CFAP74: variants seen among roughly 807,000 people sequenced by gnomAD.
CFAP74 encodes cilia- and flagella-associated protein 74.
A neutral mutation model predicts 188.9 loss-of-function variants in CFAP74; 124 were observed. That is an observed-to-expected ratio of 0.66 (90% CI 0.57 to 0.76). The LOEUF (loss-of-function observed/expected upper bound fraction) is 0.76. CFAP74 is among the 30% of genes least tolerant of loss of function. The pLI is 0.00. For missense variants in CFAP74, 2,198 were observed against 2,165.2 expected (o/e 1.02, Z -0.30); for synonymous variants, 956 against 916.7 (o/e 1.04, Z -0.77).
chr1:1,960,969 A>G (rs1204288210), intron 14 of CFAP74, among the ~76,000 whole-genome samples: 1 of 152,216 alleles, frequency 6.6e-6, no homozygotes, highest in African/African-American at 2.4e-5. Context: ...GACGTGAGAA[A>G]AGAACAAGAC....
chr1:1,990,209 T>G (rs1657487309), intron 2 of CFAP74, among the ~76,000 whole-genome samples: 1 of 152,136 alleles, frequency 6.6e-6, no homozygotes. Context: ...TTTTTAAGAA[T>G]GTAAAGGGGT....
At chr1:1,991,897 G>C (rs933206547) in intron 1 of CFAP74, among the ~76,000 whole-genome samples, 96 of 151,858 alleles carry the variant, frequency 6.3e-4, no homozygotes, top group African/African-American at 2.1e-3. Context: ...AAAATTAGCC[G>C]GGCATGGTGG....
At chr1:1,946,666 TC>T (rs1429968340) in intron 19 of CFAP74, among the ~76,000 whole-genome samples, 1 of 151,926 alleles carries the variant, frequency 6.6e-6, no homozygotes, top group Non-Finnish European at 1.5e-5. Context: ...CTCCACATCC[TC>T]CCCCTGCTCA....
At chr1:1,931,809 T>A in intron 25 of CFAP74, among the ~76,000 whole-genome samples, 1 of 146,940 alleles carries the variant, frequency 6.8e-6, no homozygotes, top group Non-Finnish European at 1.5e-5. Context: ...ACGCCTATAA[T>A]CCCAGCACTT....
At chr1:1,939,152 G>A (rs1190662825) in intron 24 of CFAP74, among the ~76,000 whole-genome samples, 164 bp from the exon 25 acceptor site, 1 of 151,250 alleles carries the variant, frequency 6.6e-6, no homozygotes, top group Non-Finnish European at 1.5e-5. Flanking sequence ...AAGTGTGTGA[G>A]TGTGAGCACA....
chr1:1,972,221 C>T, intron 8 of CFAP74, 139 bp from the exon 9 acceptor site: 1 of 669,072 alleles, frequency 1.5e-6, no homozygotes, highest in East Asian at 2.7e-5. Flanking sequence ...GCTGGGATCA[C>T]AGGCATGCAC....
intron 32 of CFAP74, 113 bp from the exon 33 acceptor site, chr1:1,926,051 G>A (rs1359984824): frequency 4.3e-6 from 6 of 1,395,854 alleles, no homozygotes; most frequent in South Asian, 1.5e-5. Flanking sequence ...CTCTGGGGGG[G>A]CTCTGTCAGC....
rs768511918 is a variant in CFAP74, at chr1:1,940,400, G to A, written c.2619C>T (p.His873=). 95 of 1,523,986 alleles carry A rather than the reference G, an allele frequency of 6.2e-5. No individual in the cohort carries two copies. Among genetic ancestry groups the A allele is most frequent in the Non-Finnish European group, 7.5e-5 (85 of 1,140,924 alleles). 94.4% of individuals were successfully genotyped at this position (1,523,986 alleles called of 1,614,324 possible). A position where few individuals can be genotyped will look rare whatever the true frequency, so the allele number is the denominator to read the frequency against. ...ACCTCCCTGCGTCCTCCGGGAGGGA[G>A]TGTCTGAAAGAGGCAGACAAGGCGA... ...YSVQLKFLPR[H]SLPEDAGRYF... The change falls in exon 23 of 39, where the codon CAC becomes CAT. Residue 873 remains histidine, a synonymous_variant. Transcript: ENST00000682832.
In CFAP74 at chr1:1,992,018, T is replaced by C. The variant is rs559238065; in HGVS notation, c.-19-1043A>G. 3.2e-3 allele frequency among the ~76,000 whole-genome samples: 458 copies of C among 145,156 alleles called. 6 individuals carry two copies. Among genetic ancestry groups the C allele is most frequent in the African/African-American group, 0.011 (412 of 37,408 alleles). On this transcript the variant is annotated intron_variant, in intron 1 of 38. Transcript: ENST00000682832. ...TCGCGCCACTGCACTCCAGCCTGGG[T>C]GACAGAGCGAGACTCCGTCTCAAAA...
Position 1,968,601 on chromosome 1 carries a change from G to A in CFAP74, c.1245+34C>T, listed in dbSNP as rs1400161291. The A allele has an allele frequency of 1.3e-6, 2 of 1,586,404 alleles. No homozygotes were observed. The highest frequency in any genetic ancestry group is 4.5e-5 in the East Asian group (2 of 44,658). On this transcript the variant is annotated intron_variant, in intron 11 of 38. Coordinates refer to ENST00000682832, the MANE Select transcript of CFAP74 (RefSeq NM_001304360.2). This position sits in a 1 kb window ranked among gnomAD's most constrained non-coding sequence, Gnocchi z 4.3. Reference sequence around the variant, plus strand: ...GGCCCCACCTGCCCTCCACAGGTGTGCGGCTTCTGTCTACAGGAAGGCGTT... The same window carrying A: ...GGCCCCACCTGCCCTCCACAGGTGTACGGCTTCTGTCTACAGGAAGGCGTT...
intron 38 of CFAP74, 87 bp from the exon 39 acceptor site, chr1:1,922,475 G>T (rs1651458838): frequency 8.4e-6 from 13 of 1,538,570 alleles, no homozygotes; most frequent in Non-Finnish European, 1.1e-5. Flanking sequence ...CTGCCCACCT[G>T]ACTCCCTTGG....
Position 1,923,874 on chromosome 1 carries a change from G to C in CFAP74, c.4290C>G (p.Val1430=). 1 of 1,613,166 alleles carries C rather than the reference G, an allele frequency of 6.2e-7. No homozygotes were observed. The highest frequency in any genetic ancestry group is 1.1e-5 in the South Asian group (1 of 91,082). ...SVFSVAPVKG[V]MDPGKTQDFT... ...AGTCTTGTGTCTTCCCGGGGTCCAT[G>C]ACGCCCTTGACGGGGGCCACGCTGA... The change falls in exon 35 of 39, where the codon GTC becomes GTG. Residue 1430 remains valine (V), a synonymous_variant. Transcript: ENST00000682832. The surrounding 1 kb of genome is among the most constrained non-coding windows in gnomAD (Gnocchi z 6.3).
rs1313238442 is a variant in CFAP74, at chr1:1,976,338, C to T, written c.501-2140G>A. ...AACGGGTGGGCCGTCTCCTTGGTGA[C>T]GAGTGAGTTCACGGAAGATCTGGAT... On this transcript the variant is annotated intron_variant, in intron 6 of 38. Transcript: ENST00000682832. Among the ~76,000 whole-genome samples, 11 of 152,292 alleles carry T rather than the reference C, an allele frequency of 7.2e-5. No homozygotes were observed. In the East Asian group the frequency reaches 9.6e-4, roughly 13 times the overall value.
intron 5 of CFAP74, among the ~76,000 whole-genome samples, chr1:1,985,888 C>T (rs1239425835): frequency 1.3e-5 from 2 of 152,264 alleles, no homozygotes; most frequent in Admixed American, 1.3e-4. Context: ...TCATCCACCC[C>T]AGCACACATC....
At position 1,959,190 on chromosome 1, in the gene CFAP74, C is replaced by T. The variant is rs1654883887; in HGVS notation, c.1781G>A (p.Gly594Glu). 4 of 1,608,770 alleles carry T rather than the reference C, an allele frequency of 2.5e-6. No homozygotes were observed. The highest frequency in any genetic ancestry group is 3.4e-6 in the Non-Finnish European group (4 of 1,175,334). ...CGTCTGAGCCAAAAATGAGATATTT[C>T]CTTCTAGATCCTTGTTTATCTAAAA... ...FKPMINKDLE[G>E]NISFLAQTGE... is the part of the protein sequence containing the mutation. Residue 594 changes from glycine to glutamate, a missense_variant, in exon 16 of 39, where the codon GGA becomes GAA. Transcript: ENST00000682832.
intron 25 of CFAP74, among the ~76,000 whole-genome samples, chr1:1,937,283 C>T (rs1482118687): frequency 6.6e-6 from 1 of 152,222 alleles, no homozygotes; most frequent in African/African-American, 2.4e-5. Context: ...TCTGACTAGC[C>T]CAGAGGTGCT....
chr1:1,929,417 A>G (rs1196324422), intron 26 of CFAP74, among the ~76,000 whole-genome samples: 1 of 52,944 alleles, frequency 1.9e-5, no homozygotes, highest in Non-Finnish European at 3.7e-5. Context: ...GAGGGTAGGG[A>G]GGGAGCGAGG....
At position 1,950,051 on chromosome 1, in the gene CFAP74, T is replaced by C. The variant is rs192231857; in HGVS notation, c.2177-2997A>G. On this transcript the variant is annotated intron_variant, in intron 18 of 38. Transcript: ENST00000682832. ...GATACCTAGGAGTGGCCTTGGTGGG[T>C]GTCTGGCTTTGCTGCTGAGCGTTTC... Among the ~76,000 whole-genome samples, 116 of 152,312 alleles carry C rather than the reference T, an allele frequency of 7.6e-4. 1 individual carries two copies. In the East Asian group the frequency reaches 0.021, roughly 28 times the overall value.
chr1:1,927,012 C>T lies in CFAP74; in HGVS notation c.3544G>A (p.Ala1182Thr). The T allele has an allele frequency of 6.5e-7, 1 of 1,550,208 alleles. No individual in the cohort carries two copies. Among genetic ancestry groups the T allele is most frequent in the East Asian group, 2.4e-5 (1 of 40,916 alleles). Residue 1182 changes from alanine to threonine, a missense_variant, in exon 29 of 39, where the codon GCC (alanine) becomes ACC (threonine). Physicochemically the swap from Ala to Thr is moderately conservative, Grantham distance 58 (BLOSUM62 0). Coordinates refer to ENST00000682832, the MANE Select transcript of CFAP74 (RefSeq NM_001304360.2). ...GCTCTGAGCAGGGTGGCTCGGGCGG[C>T]CTGGTACTCGTCGGAACTAGAAGGA... ...ELRPSSDEYQ[A>T]ARATLLRAFQ...
Sources: allele counts gnomAD v4.1 joint callset (sites outside exome capture counted in the v4.1 genomes callset), GRCh38; gene constraint gnomAD v4.1.1; non-coding constraint Gnocchi (gnomAD v3.1); transcripts MANE v1.5; gene names NCBI Gene and HGNC (gene_info 2026-07-23, HGNC 2026-07-21).